UCK2: variants seen among roughly 807,000 people sequenced by gnomAD.
The protein encoded by UCK2 is cytidine monophosphokinase 2.
Under a neutral mutation model 30.8 loss-of-function variants are expected in UCK2, and 6 were observed. The ratio of observed to expected loss-of-function variants is 0.19; its 90% CI spans 0.11 to 0.38. The LOEUF is 0.38. Among genes scored for constraint, UCK2 ranks in the 10% least tolerant of loss-of-function variants. UCK2 has a pLI of 1.00. For synonymous variants in UCK2, 125 were observed against 133.6 expected (o/e 0.94, Z 0.45); for missense variants, 210 against 339.8 (o/e 0.62, Z 3.00).
intron 2 of UCK2, 31 bp from the exon 3 acceptor site, chr1:165,891,195 A>C (rs767906848): frequency 6.3e-7 from 1 of 1,581,946 alleles, no homozygotes; most frequent in Admixed American, 1.7e-5. Flanking sequence ...TTTAAAATTA[A>C]GAAACATTTT....
intron 3 of UCK2, chr1:165,895,578 G>C (rs1655877149): frequency 2.0e-6 from 2 of 985,424 alleles, no homozygotes; most frequent in Admixed American, 6.1e-5. Flanking sequence ...CCACTTTGTT[G>C]GTTTGGGGTA....
chr1:165,903,083 T>C lies in UCK2; in HGVS notation c.500-99T>C, dbSNP rs544416103. On this transcript the variant is annotated intron_variant, in intron 4 of 6. Coordinates refer to ENST00000367879, the MANE Select transcript of UCK2 (RefSeq NM_012474.5). ...ATTCCAGCTTGAGAATCATCTAGAG[T>C]AATTGTGGAGCCTGTGGGAGCTAGG... 2.6e-5 allele frequency: 22 copies of C among 838,820 alleles called. No homozygotes were observed. The East Asian group carries it at 5.5e-4, about 21-fold the overall frequency. The allele number at this position is 838,820 out of a possible 1,614,324, so 52.0% of individuals were successfully genotyped here. A position where few individuals can be genotyped will look rare whatever the true frequency, so the allele number is the denominator to read the frequency against.
chr1:165,855,284 C>T (rs182274515), intron 1 of UCK2, among the ~76,000 whole-genome samples: 1 of 152,218 alleles, frequency 6.6e-6, no homozygotes, highest in African/African-American at 2.4e-5. Flanking sequence ...TAATTCATTC[C>T]ACAAACACCT....
Position 165,911,046 on chromosome 1 carries a change from A to G in UCK2, c.*3223A>G, listed in dbSNP as rs1396917441. The G allele has an allele frequency of 6.6e-6, 1 of 152,360 alleles. No individual in the cohort carries two copies. Among genetic ancestry groups the G allele is most frequent in the Non-Finnish European group, 1.5e-5 (1 of 68,152 alleles). The allele number at this position is 152,360 out of a possible 1,614,324, so 9.4% of individuals were successfully genotyped here. ...CCTTGATTTAGCAACCTTGACCTGC[A>G]CTGGCCCTCACAGCTGTTGGAGGGA... On this transcript the variant is annotated 3_prime_UTR_variant, in exon 7 of 7. Coordinates refer to ENST00000367879, the MANE Select transcript of UCK2 (RefSeq NM_012474.5).
intron 3 of UCK2, among the ~76,000 whole-genome samples, chr1:165,892,988 G>A (rs1415508374): frequency 2.0e-5 from 3 of 152,156 alleles, no homozygotes; most frequent in African/African-American, 7.2e-5. Flanking sequence ...AGGCGGCAGG[G>A]CCAGGAGCAC....
At chr1:165,834,380 C>A (rs527725611) in intron 1 of UCK2, among the ~76,000 whole-genome samples, 19 of 152,150 alleles carry the variant, frequency 1.2e-4, no homozygotes, top group Non-Finnish European at 2.5e-4. Context: ...GGGAGGATTG[C>A]CTGAGCCTTG....
chr1:165,863,683 A>G (rs573412724), intron 1 of UCK2, among the ~76,000 whole-genome samples: 148 of 152,350 alleles, frequency 9.7e-4, no homozygotes, highest in African/African-American at 3.4e-3. Flanking sequence ...CTAAAAAAGC[A>G]TGCTTGAAAT....
chr1:165,889,787 C>A (rs1469752291), intron 1 of UCK2, among the ~76,000 whole-genome samples: 18 of 151,066 alleles, frequency 1.2e-4, no homozygotes, highest in African/African-American at 4.4e-4. Flanking sequence ...TATTTCATCA[C>A]CCAGGTATTA....
intron 1 of UCK2, among the ~76,000 whole-genome samples, chr1:165,846,961 A>T (rs1654464354): frequency 6.6e-6 from 1 of 152,164 alleles, no homozygotes; most frequent in East Asian, 1.9e-4. Flanking sequence ...CAGCAATGTC[A>T]TGACTGCCTT....
intron 2 of UCK2, 106 bp downstream of exon 2, chr1:165,890,469 A>G (rs1184805604): frequency 1.0e-5 from 12 of 1,174,598 alleles, no homozygotes; most frequent in African/African-American, 1.5e-5. Context: ...TCTTGTTTCT[A>G]TCTAGAACGT....
intron 4 of UCK2, among the ~76,000 whole-genome samples, chr1:165,898,206 G>A (rs993798907): frequency 6.6e-5 from 10 of 152,134 alleles, no homozygotes; most frequent in Admixed American, 6.5e-4. Flanking sequence ...AGAGTCCAGC[G>A]AATTGGGCTG....
intron 1 of UCK2, among the ~76,000 whole-genome samples, chr1:165,880,564 GGGGTGTGT>G (rs1483424406): frequency 0.019 from 1,892 of 100,038 alleles, 37 homozygotes; most frequent in Middle Eastern, 0.041. Context: ...GTTTTTTTTG[GGGGTGTGT>G]GTGTGTGTGT....
At chr1:165,850,232 G>A (rs1480262533) in intron 1 of UCK2, among the ~76,000 whole-genome samples, 1 of 151,580 alleles carries the variant, frequency 6.6e-6, no homozygotes, top group African/African-American at 2.4e-5. Context: ...CTGGGTTCAA[G>A]CGATTCTCCT....
chr1:165,836,228 C>CAAAA (rs1285741977), intron 1 of UCK2, among the ~76,000 whole-genome samples: 12 of 149,666 alleles, frequency 8.0e-5, no homozygotes, highest in Admixed American at 2.6e-4. Context: ...GACTCCGTCT[C>CAAAA]AAAACAAAAA....
intron 5 of UCK2, among the ~76,000 whole-genome samples, chr1:165,903,728 T>C (rs1181095726): frequency 1.3e-5 from 2 of 152,242 alleles, no homozygotes; most frequent in Non-Finnish European, 2.9e-5. Flanking sequence ...CACTGAGCCC[T>C]GCTTTGAGCT....
chr1:165,830,167 G>A (rs558081607), intron 1 of UCK2, among the ~76,000 whole-genome samples: 2 of 151,398 alleles, frequency 1.3e-5, no homozygotes, highest in East Asian at 1.9e-4. Flanking sequence ...CATCATGCCC[G>A]ACTAATTTTT....
rs1280672085 is a variant in UCK2 at position 165,841,060 on chromosome 1, C to T, written c.99+13128C>T. On this transcript the variant is annotated intron_variant, in intron 1 of 6. Coordinates refer to ENST00000367879, the MANE Select transcript of UCK2 (RefSeq NM_012474.5). ...TATCTGTGTGACTCTAGTAACTTAG[C>T]CTTGTACAGGAGATATATATTTGTG... is the stretch of plus-strand genomic sequence containing the variant. Among the ~76,000 whole-genome samples the T allele has an allele frequency of 2.0e-5, 3 of 151,072 alleles. No homozygotes were observed. In the South Asian group the frequency reaches 6.2e-4, roughly 31 times the overall value.
At chr1:165,831,584 C>G (rs188958943) in intron 1 of UCK2, among the ~76,000 whole-genome samples, 5 of 152,092 alleles carry the variant, frequency 3.3e-5, no homozygotes, top group Non-Finnish European at 7.4e-5. Context: ...GCCTCTGAAA[C>G]GAGAAAAATC....
rs992712627 is a variant in UCK2, at chr1:165,843,973, C to T, written c.99+16041C>T. Among the ~76,000 whole-genome samples, 9 of 152,118 alleles carry T rather than the reference C, an allele frequency of 5.9e-5. No individual in the cohort carries two copies. The South Asian group carries it at 8.3e-4, about 14-fold the overall frequency. On this transcript the variant is annotated intron_variant, in intron 1 of 6. Transcript: ENST00000367879. ...TCTTTTGGTAATAGCTAATACTTCC[C>T]GAGCACTAACTATATACTGAGTGCT...
Sources: gnomAD v4.1 joint callset for allele counts (sites outside exome capture counted in the v4.1 genomes callset) on GRCh38, gnomAD v4.1.1 for gene constraint, MANE v1.5 for transcripts, NCBI Gene and HGNC (gene_info 2026-07-23, HGNC 2026-07-21) for gene names.